GLRB: variants seen among roughly 807,000 people sequenced by gnomAD.
GLRB encodes the protein glycine receptor subunit beta.
GLRB carries 33 observed loss-of-function variants against 54.2 expected under a neutral mutation model. The observed-to-expected ratio is 0.61, with a 90% confidence interval of 0.46 to 0.81. GLRB has a LOEUF of 0.81. Among genes scored for constraint, GLRB ranks in the 40% least tolerant of loss-of-function variants. The pLI is 0.00. For missense variants in GLRB, 572 were observed against 584.6 expected (o/e 0.98, Z 0.22); for synonymous variants, 209 against 208.2 (o/e 1.00, Z -0.03).
At chr4:157,079,317 G>C (rs1003365701) in intron 2 of GLRB, among the ~76,000 whole-genome samples, 1 of 152,080 alleles carries the variant, frequency 6.6e-6, no homozygotes, top group Non-Finnish European at 1.5e-5. Context: ...TATTTAAATA[G>C]AGATTATTAT....
chr4:157,168,115 A>ATTT (rs111436022), intron 9 of GLRB, among the ~76,000 whole-genome samples: 3,643 of 145,212 alleles, frequency 0.025, 57 homozygotes, highest in African/African-American at 0.051. Context: ...ACCAGTTCCT[A>ATTT]TTTTTTTTTT....
chr4:157,082,351 A>G (rs1734251378), intron 2 of GLRB, among the ~76,000 whole-genome samples: 2 of 152,154 alleles, frequency 1.3e-5, no homozygotes, highest in Admixed American at 1.3e-4. Context: ...TATCTATTGT[A>G]ATTGTCTGCT....
intron 8 of GLRB, among the ~76,000 whole-genome samples, chr4:157,148,648 A>G (rs1579240482): frequency 6.6e-6 from 1 of 152,062 alleles, no homozygotes; most frequent in South Asian, 2.1e-4. Flanking sequence ...AGAGTTTTTT[A>G]TGGGTACCTG....
At chr4:157,116,725 T>C (rs1223361589) in intron 2 of GLRB, among the ~76,000 whole-genome samples, 3 of 151,716 alleles carry the variant, frequency 2.0e-5, no homozygotes, top group Non-Finnish European at 4.4e-5. Flanking sequence ...AAAATATGAT[T>C]TTAACTTTTT....
At chr4:157,076,548 A>G (rs1046554711) in intron 1 of GLRB, 2 of 152,012 alleles carry the variant, frequency 1.3e-5, no homozygotes, top group Non-Finnish European at 2.9e-5. Context: ...GGAGAGATGC[A>G]GAGGGCCGGG....
chr4:157,145,787 T>C (rs1050092907), intron 8 of GLRB, among the ~76,000 whole-genome samples: 2 of 151,856 alleles, frequency 1.3e-5, no homozygotes, highest in Admixed American at 6.6e-5. Context: ...TAATACTGGA[T>C]AGAGACAAGA....
intron 7 of GLRB, 113 bp downstream of exon 7, chr4:157,139,062 C>A: frequency 1.6e-6 from 1 of 631,154 alleles, no homozygotes. Flanking sequence ...ATTAAATTAG[C>A]AAATAGTTTA....
intron 2 of GLRB, among the ~76,000 whole-genome samples, chr4:157,099,965 A>C (rs868605533): frequency 9.9e-5 from 15 of 152,270 alleles, no homozygotes; most frequent in African/African-American, 3.4e-4. Flanking sequence ...ATGACTTTTC[A>C]AGTGTTTGCC....
chr4:157,157,561 A>G (rs1224605981), intron 9 of GLRB, among the ~76,000 whole-genome samples: 2 of 151,992 alleles, frequency 1.3e-5, no homozygotes, highest in Non-Finnish European at 2.9e-5. Flanking sequence ...TCATTGTTCA[A>G]TTCCCACCTA....
At chr4:157,132,553 G>A (rs1046736816) in intron 4 of GLRB, among the ~76,000 whole-genome samples, 17 of 151,498 alleles carry the variant, frequency 1.1e-4, no homozygotes, top group Admixed American at 3.3e-4. Context: ...TTTCCTGATC[G>A]CTGGTGTCTG....
intron 2 of GLRB, chr4:157,084,664 A>T (rs1734342618): frequency 2.2e-6 from 1 of 456,054 alleles, no homozygotes; most frequent in African/African-American, 2.0e-5. Context: ...TCTCCTTCAG[A>T]GAGAGATTGT....
intron 4 of GLRB, among the ~76,000 whole-genome samples, chr4:157,132,438 G>A (rs895332124): frequency 4.0e-5 from 6 of 151,640 alleles, no homozygotes; most frequent in African/African-American, 1.5e-4. Context: ...ATTAAGAAGT[G>A]GTATCTTTTT....
chr4:157,115,655 C>A (rs1735582787), intron 2 of GLRB, among the ~76,000 whole-genome samples: 1 of 151,658 alleles, frequency 6.6e-6, no homozygotes, highest in Non-Finnish European at 1.5e-5. Context: ...TCCAGGAACC[C>A]TCAGAAACAC....
chr4:157,117,328 A>G (rs917415254), intron 2 of GLRB, among the ~76,000 whole-genome samples: 1 of 151,632 alleles, frequency 6.6e-6, no homozygotes, highest in Admixed American at 6.6e-5. Flanking sequence ...TAGTTTCTTC[A>G]TACACCATGT....
At chr4:157,093,792 T>G (rs1734707922) in intron 2 of GLRB, among the ~76,000 whole-genome samples, 1 of 150,824 alleles carries the variant, frequency 6.6e-6, no homozygotes, top group African/African-American at 2.4e-5. Flanking sequence ...ATGGTTCCCC[T>G]TGGCTCTGCT....
chr4:157,084,824 A>T, intron 2 of GLRB: 1 of 371,254 alleles, frequency 2.7e-6, no homozygotes, highest in South Asian at 2.0e-5. Context: ...TGTCTCCTTT[A>T]TCTTCTATTC....
intron 2 of GLRB, among the ~76,000 whole-genome samples, chr4:157,115,155 T>C (rs1023853824): frequency 6.6e-6 from 1 of 151,856 alleles, no homozygotes; most frequent in African/African-American, 2.4e-5. Context: ...AATACAATAC[T>C]ACTTTATTTT....
chr4:157,104,612 G>A (rs1000777992), intron 2 of GLRB, among the ~76,000 whole-genome samples: 4 of 151,610 alleles, frequency 2.6e-5, no homozygotes, highest in Admixed American at 6.6e-5. Context: ...TTAATTTTCT[G>A]GAAGATTTTG....
intron 1 of GLRB, among the ~76,000 whole-genome samples, chr4:157,077,756 T>C (rs536821873): frequency 2.0e-5 from 3 of 150,778 alleles, no homozygotes; most frequent in African/African-American, 4.9e-5. Flanking sequence ...GTTGGCGGTC[T>C]TGTTTTCTAT....
Sources: gnomAD v4.1 joint callset for allele counts (sites outside exome capture counted in the v4.1 genomes callset) on GRCh38, gnomAD v4.1.1 for gene constraint, MANE v1.5 for transcripts, NCBI Gene and HGNC (gene_info 2026-07-23, HGNC 2026-07-21) for gene names.